Variants in GJA3 observed in about 807,000 individuals in gnomAD.
The protein encoded by GJA3 is gap junction protein alpha 3.
For missense variants in GJA3, 571 were observed against 620.3 expected (o/e 0.92, Z 0.84); for synonymous variants, 297 against 292.6 (o/e 1.02, Z -0.15).
intron 1 of GJA3, among the ~76,000 whole-genome samples, chr13:20,158,394 T>A (rs1024800178): frequency 2.0e-5 from 3 of 152,114 alleles, no homozygotes; most frequent in Non-Finnish European, 2.9e-5. Flanking sequence ...AGATTTATTT[T>A]AAAATCAACA....
chr13:20,149,981 AGG>A (rs765953624), intron 1 of GJA3, among the ~76,000 whole-genome samples: 7 of 152,222 alleles, frequency 4.6e-5, no homozygotes, highest in Non-Finnish European at 7.3e-5. Context: ...TGAGTGTCCA[AGG>A]CCTGGGCTGG....
chr13:20,161,003 C>G lies in GJA3; in HGVS notation c.-131G>C, dbSNP rs978203171. 6.6e-6 allele frequency: 1 copy of G among 152,410 alleles called. No homozygotes were observed. The highest frequency in any genetic ancestry group is 2.4e-5 in the African/African-American group (1 of 41,370). The allele number at this position is 152,410 out of a possible 1,614,324, so 9.4% of individuals were successfully genotyped here. On this transcript the variant is annotated 5_prime_UTR_variant, in exon 1 of 2. Transcript: ENST00000241125. ...GCTGCTTCACGCGTGCGCCCCGCGC[C>G]AGGGCCCGACCTCCCCGCCCTGATC...
chr13:20,139,932 G>A lies in GJA3; in HGVS notation c.*2049C>T, dbSNP rs1376329861. 1 of 152,176 alleles carries A rather than the reference G, an allele frequency of 6.6e-6. No homozygotes were observed. The highest frequency in any genetic ancestry group is 1.5e-5 in the Non-Finnish European group (1 of 68,036). 9.4% of individuals were successfully genotyped at this position (152,176 alleles called of 1,614,324 possible). A position where few individuals can be genotyped will look rare whatever the true frequency, so the allele number is the denominator to read the frequency against. ...ATCCACTTGTACTTGAGCTGTACTT[G>A]TGCTCTTGGATGATTGCTATTGCAT... On this transcript the variant is annotated 3_prime_UTR_variant, in exon 2 of 2. Transcript: ENST00000241125.
At position 20,143,320 on chromosome 13, in the gene GJA3, T is replaced by C. The variant is rs768113451; in HGVS notation, c.-17-15A>G. 2.0e-6 allele frequency: 3 copies of C among 1,497,606 alleles called. No individual in the cohort carries two copies. Among genetic ancestry groups the C allele is most frequent in the Non-Finnish European group, 2.7e-6 (3 of 1,128,036 alleles). 92.8% of individuals were successfully genotyped at this position (1,497,606 alleles called of 1,614,324 possible). On this transcript the variant is annotated splice_polypyrimidine_tract_variant and intron_variant, in intron 1 of 1. Transcript: ENST00000241125. Reference sequence around the variant, plus strand: ...AGATTCCTAACCTGTAAGAGGAAAATGCTCATGAACACCGGGCTGCAACGG... The same window carrying C: ...AGATTCCTAACCTGTAAGAGGAAAACGCTCATGAACACCGGGCTGCAACGG...
rs780972084 is a variant in GJA3 at position 20,142,641 on chromosome 13, C to G, written c.648G>C (p.Leu216=). ...GGTGGTAGATCTCCAGCATGTTGAG[C>G]AGCAGGGACGCGCAGGCCACCGCCA... is the stretch of plus-strand genomic sequence containing the variant. ...FMLAVACASL[L]LNMLEIYHLG... The change falls in exon 2 of 2, where the codon CTG becomes CTC. Residue 216 remains leucine, a synonymous_variant. Coordinates refer to ENST00000241125, the MANE Select transcript of GJA3 (RefSeq NM_021954.4). The G allele has an allele frequency of 1.2e-6, 2 of 1,613,524 alleles. No homozygotes were observed. Among genetic ancestry groups the G allele is most frequent in the East Asian group, 2.2e-5 (1 of 44,830 alleles).
chr13:20,138,648 C>T lies in GJA3; in HGVS notation c.*3333G>A, dbSNP rs1958790164. On this transcript the variant is annotated 3_prime_UTR_variant, in exon 2 of 2. Transcript: ENST00000241125. The stretch of plus-strand genomic sequence containing the variant: ...TATTAAAGGTTATTTAGGATATCCT[C>T]AATTTGTAGGGGTGGCGGGTGGTGA... 6.6e-6 allele frequency: 1 copy of T among 152,176 alleles called. No individual in the cohort carries two copies. 9.4% of individuals were successfully genotyped at this position (152,176 alleles called of 1,614,324 possible).
Position 20,142,343 on chromosome 13 carries a change from T to C in GJA3, c.946A>G (p.Asn316Asp), listed in dbSNP as rs761473812. ...RGKGQSAKLY[N>D]GHHHLLMTEQ... Reference sequence around the variant, plus strand: ...GTCATCAGCAGGTGGTGGTGGCCGTTGTAGAGCTTGGCGGACTGGCCCTTT... The same window carrying C: ...GTCATCAGCAGGTGGTGGTGGCCGTCGTAGAGCTTGGCGGACTGGCCCTTT... Residue 316 changes from asparagine to aspartate, a missense_variant, in exon 2 of 2, where the codon AAC becomes GAC. Physicochemically the swap from Asn to Asp is conservative, Grantham distance 23. Transcript: ENST00000241125. 6.4e-7 allele frequency: 1 copy of C among 1,557,198 alleles called. No individual in the cohort carries two copies. The highest frequency in any genetic ancestry group is 8.7e-7 in the Non-Finnish European group (1 of 1,153,062).
chr13:20,145,156 T>C (rs1287699772), intron 1 of GJA3, among the ~76,000 whole-genome samples: 8 of 152,198 alleles, frequency 5.3e-5, no homozygotes, highest in Non-Finnish European at 1.0e-4. Context: ...TACTCCAGCC[T>C]GGATGACAGA....
rs1026937490 is a variant in GJA3, at chr13:20,155,934, A to T, written c.-18+4956T>A. Among the ~76,000 whole-genome samples, 21 of 152,114 alleles carry T rather than the reference A, an allele frequency of 1.4e-4. 1 individual carries two copies. The highest frequency in any genetic ancestry group is 4.3e-4 in the African/African-American group (18 of 41,420). On this transcript the variant is annotated intron_variant, in intron 1 of 1. Coordinates refer to ENST00000241125, the MANE Select transcript of GJA3 (RefSeq NM_021954.4). ...CTATTCTTGATGTTTCAATAATCTA[A>T]TGCTGTTGCAGGAAACATTACTCTC...
intron 1 of GJA3, among the ~76,000 whole-genome samples, chr13:20,145,324 C>T (rs1010240174): frequency 6.6e-6 from 1 of 152,178 alleles, no homozygotes; most frequent in Non-Finnish European, 1.5e-5. Flanking sequence ...TCTGCTTGGA[C>T]CCCTGGAGCT....
intron 1 of GJA3, among the ~76,000 whole-genome samples, chr13:20,160,606 CA>C (rs1161848012): frequency 2.0e-5 from 3 of 152,242 alleles, no homozygotes; most frequent in Admixed American, 2.0e-4. Flanking sequence ...CAAGGGAAGC[CA>C]AACGAGGCGC....
chr13:20,153,145 C>G (rs141255095), intron 1 of GJA3, among the ~76,000 whole-genome samples: 197 of 152,270 alleles, frequency 1.3e-3, no homozygotes, highest in African/African-American at 4.3e-3. Context: ...TCGTCCCACC[C>G]TTTTCATAGT....
rs531021458 is a variant in GJA3 at position 20,143,553 on chromosome 13, C to G, written c.-17-248G>C. Among the ~76,000 whole-genome samples, 931 of 152,342 alleles carry G rather than the reference C, an allele frequency of 6.1e-3. 11 individuals carry two copies. The highest frequency in any genetic ancestry group is 0.021 in the African/African-American group (872 of 41,572). On this transcript the variant is annotated intron_variant, in intron 1 of 1. Coordinates refer to ENST00000241125, the MANE Select transcript of GJA3 (RefSeq NM_021954.4). Reference sequence around the variant, plus strand: ...GAAGCCAGAGCCAGAAGAGAAAATGCCCTCCTCTGGCCTCCAGACTGCTCA... The same window carrying G: ...GAAGCCAGAGCCAGAAGAGAAAATGGCCTCCTCTGGCCTCCAGACTGCTCA...
At chr13:20,161,283 A>C (rs543867025), upstream of GJA3, among the ~76,000 whole-genome samples, 1 of 152,022 alleles carries the variant, frequency 6.6e-6, no homozygotes, top group East Asian at 1.9e-4. Context: ...GGCCCTGGGG[A>C]TGTGGACGCG....
At position 20,141,627 on chromosome 13, in the gene GJA3, A is replaced by C; in HGVS notation, c.*354T>G. Reference sequence around the variant, plus strand: ...TAGCAAACCCAATTGCCCAGGAGCTAAAGGGACTGCAGGATACCTGTTGCT... The same window carrying C: ...TAGCAAACCCAATTGCCCAGGAGCTCAAGGGACTGCAGGATACCTGTTGCT... On this transcript the variant is annotated 3_prime_UTR_variant, in exon 2 of 2. Transcript: ENST00000241125. 2 of 234,224 alleles carry C rather than the reference A, an allele frequency of 8.5e-6. No homozygotes were observed. Among genetic ancestry groups the C allele is most frequent in the Non-Finnish European group, 1.6e-5 (2 of 121,480 alleles). 14.5% of individuals were successfully genotyped at this position (234,224 alleles called of 1,614,324 possible). A position where few individuals can be genotyped will look rare whatever the true frequency, so the allele number is the denominator to read the frequency against.
chr13:20,142,503 G>A lies in GJA3; in HGVS notation c.786C>T (p.Pro262=), dbSNP rs1219074024. 6.8e-5 allele frequency: 106 copies of A among 1,553,206 alleles called. No homozygotes were observed. The highest frequency in any genetic ancestry group is 8.5e-5 in the Non-Finnish European group (98 of 1,149,580). Reference sequence around the variant, plus strand: ...AGGGTGGGAACCCGATGGCAACGGCGGGCGGCCGGGAGCTGGGGGGCAGGG... The same window carrying A: ...AGGGTGGGAACCCGATGGCAACGGCAGGCGGCCGGGAGCTGGGGGGCAGGG... The part of the protein sequence containing the change: ...PPPLPPSSRP[P]AVAIGFPPYY... The change falls in exon 2 of 2, where the codon CCC becomes CCT. Residue 262 remains proline (P), a synonymous_variant. Coordinates refer to ENST00000241125, the MANE Select transcript of GJA3 (RefSeq NM_021954.4).
intron 1 of GJA3, among the ~76,000 whole-genome samples, chr13:20,155,243 T>G (rs1413321145): frequency 6.6e-6 from 1 of 152,242 alleles, no homozygotes; most frequent in African/African-American, 2.4e-5. Context: ...AAGACTGGTT[T>G]CAGCTTTTCT....
intron 1 of GJA3, among the ~76,000 whole-genome samples, chr13:20,158,516 A>C (rs1958918320): frequency 6.6e-6 from 1 of 152,042 alleles, no homozygotes; most frequent in Non-Finnish European, 1.5e-5. Context: ...TGTTAACAGT[A>C]AATTTAAAGC....
chr13:20,152,665 C>CTA (rs2141143730), intron 1 of GJA3, among the ~76,000 whole-genome samples: 1 of 152,240 alleles, frequency 6.6e-6, no homozygotes, highest in East Asian at 1.9e-4. Flanking sequence ...CAGATGAGAG[C>CTA]TACCACGCCT....
Sources: gnomAD v4.1 joint callset for allele counts (sites outside exome capture counted in the v4.1 genomes callset) on GRCh38, gnomAD v4.1.1 for gene constraint, MANE v1.5 for transcripts, NCBI Gene and HGNC (gene_info 2026-07-23, HGNC 2026-07-21) for gene names.